Variants in SNX25 observed in about 807,000 individuals in gnomAD.
SNX25 encodes sorting nexin-25.
SNX25 carries 62 observed loss-of-function variants against 113.7 expected under a neutral mutation model. The observed-to-expected ratio is 0.55, with a 90% CI of 0.44 to 0.67. SNX25 has a LOEUF of 0.67. Among genes scored for constraint, SNX25 ranks in the 30% least tolerant of loss-of-function variants. The probability of loss-of-function intolerance (pLI) is 0.00; values close to 1 mark genes in which losing one functional copy is unlikely to be tolerated. For synonymous variants in SNX25, 421 were observed against 436.2 expected (o/e 0.97, Z 0.43); for missense variants, 1,014 against 1,161.0 (o/e 0.87, Z 1.84).
At chr4:185,277,441 C>T (rs1217274284) in intron 5 of SNX25, among the ~76,000 whole-genome samples, 1 of 152,072 alleles carries the variant, frequency 6.6e-6, no homozygotes, top group Non-Finnish European at 1.5e-5. Flanking sequence ...GTGTGCTGGT[C>T]GTTTTCAACA....
chr4:185,375,487 A>AAAAAAAAAAAATATATAT, the SNX25 span: 3 of 12,012 alleles, frequency 2.5e-4, no homozygotes, highest in Non-Finnish European at 4.4e-4. Flanking sequence ...AAAAAAAAAA[A>AAAAAAAAAAAATATATAT]ATATATATAT....
chr4:185,349,014 T>C (rs192566075), intron 13 of SNX25, among the ~76,000 whole-genome samples: 139 of 152,320 alleles, frequency 9.1e-4, no homozygotes, highest in African/African-American at 3.3e-3. Flanking sequence ...GGTTCATTCA[T>C]GTTGTTGCAA....
intron 15 of SNX25, among the ~76,000 whole-genome samples, chr4:185,353,913 G>A (rs979301875): frequency 2.6e-5 from 4 of 151,908 alleles, no homozygotes; most frequent in Non-Finnish European, 1.5e-5. Context: ...GCATGGTGGC[G>A]CATGCCTGTA....
At position 185,313,893 on chromosome 4, in the gene SNX25, G is replaced by A. The variant is rs567945582; in HGVS notation, c.1344+3077G>A. On this transcript the variant is annotated intron_variant, in intron 7 of 18. Transcript: ENST00000652585. ...TATACTGTACTGTTAGAATAAAGTAGGCTATAAAGACAAATGAAAATGTTA... is the reference window on the plus strand; with the variant it reads ...TATACTGTACTGTTAGAATAAAGTAAGCTATAAAGACAAATGAAAATGTTA... Among the ~76,000 whole-genome samples the A allele has an allele frequency of 4.6e-5, 7 of 152,100 alleles. No homozygotes were observed. In the South Asian group the frequency reaches 1.5e-3, roughly 32 times the overall value.
intron 6 of SNX25, among the ~76,000 whole-genome samples, chr4:185,306,562 G>A (rs1459845748): frequency 6.6e-6 from 1 of 152,146 alleles, no homozygotes; most frequent in Non-Finnish European, 1.5e-5. Flanking sequence ...AGAATGTAAT[G>A]GTTGGTAAAT....
chr4:185,360,868 G>A (rs1182579423), intron 16 of SNX25, among the ~76,000 whole-genome samples: 4 of 151,410 alleles, frequency 2.6e-5, no homozygotes, highest in African/African-American at 4.9e-5. Flanking sequence ...GCAGTGAGCC[G>A]AGATTGTGCC....
At chr4:185,375,708 A>G in the SNX25 span, 1 of 1,607,578 alleles carries the variant, frequency 6.2e-7, no homozygotes, top group South Asian at 1.1e-5. Context: ...AACTGTTCTA[A>G]TGCTTCTTCA....
chr4:185,297,491 A>G (rs1752994150), intron 6 of SNX25, among the ~76,000 whole-genome samples: 1 of 152,190 alleles, frequency 6.6e-6, no homozygotes, highest in African/African-American at 2.4e-5. Context: ...ATGTCCACAT[A>G]AAGTCTCACA....
chr4:185,373,706 T>C (rs1351451297), downstream of SNX25, among the ~76,000 whole-genome samples: 2 of 152,212 alleles, frequency 1.3e-5, no homozygotes, highest in African/African-American at 2.4e-5. Context: ...CCTTATAGGA[T>C]TTTTTGGAAA....
chr4:185,343,255 G>A (rs2095269404), intron 12 of SNX25, among the ~76,000 whole-genome samples: 1 of 152,246 alleles, frequency 6.6e-6, no homozygotes, highest in Admixed American at 6.5e-5. Context: ...AATACTAATA[G>A]TGCCTACCTT....
At position 185,277,720 on chromosome 4, in the gene SNX25, CTTTTTTT is replaced by C. The variant is rs758092952; in HGVS notation, c.1092-10268_1092-10262del. On this transcript the variant is annotated intron_variant, in intron 5 of 18. Transcript: ENST00000652585. ...ATGATGAGTTTTGAGTACTTATTACCTTTTTTTTTTTTTTTTTTTTTTTTTTTTTTGA... is the reference window on the plus strand; with the variant it reads ...ATGATGAGTTTTGAGTACTTATTACCTTTTTTTTTTTTTTTTTTTTTTTGA... Among the ~76,000 whole-genome samples the C allele has an allele frequency of 3.4e-3, 218 of 63,442 alleles. 2 individuals are homozygous for C. Among genetic ancestry groups the C allele is most frequent in the African/African-American group, 0.012 (206 of 16,968 alleles). The allele number at this position is 63,442 out of a possible 152,430, so 41.6% of individuals were successfully genotyped here. A position where few individuals can be genotyped will look rare whatever the true frequency, so the allele number is the denominator to read the frequency against.
chr4:185,250,274 G>A (rs1270771783), intron 2 of SNX25, among the ~76,000 whole-genome samples: 1 of 152,144 alleles, frequency 6.6e-6, no homozygotes, highest in South Asian at 2.1e-4. Context: ...CACCGTTAGT[G>A]GAATTCTAGC....
In SNX25 at chr4:185,211,459, T is replaced by A. The variant is rs903138718; in HGVS notation, c.429+1204T>A. On this transcript the variant is annotated intron_variant, in intron 1 of 18. Coordinates refer to ENST00000652585, the MANE Select transcript of SNX25 (RefSeq NM_001378034.2). ...TTTAGCAGGAGTTGCGGAGCAGATA[T>A]GTCTCTCCTCTTTTTTTCTACCATG... 6.6e-5 allele frequency among the ~76,000 whole-genome samples: 10 copies of A among 152,174 alleles called. No homozygotes were observed. The East Asian group carries it at 7.7e-4, about 12-fold the overall frequency.
At chr4:185,297,525 C>T (rs1234652881) in intron 6 of SNX25, among the ~76,000 whole-genome samples, 1 of 152,202 alleles carries the variant, frequency 6.6e-6, no homozygotes, top group African/African-American at 2.4e-5. Context: ...TCTGTAATTT[C>T]TTGCCTCAGT....
intron 9 of SNX25, among the ~76,000 whole-genome samples, chr4:185,327,957 C>A (rs1023023670): frequency 2.6e-5 from 4 of 152,162 alleles, no homozygotes; most frequent in African/African-American, 7.2e-5. Context: ...TGTATGCTGG[C>A]AGTTCTTAAG....
At chr4:185,332,837 T>C (rs1311583024) in intron 10 of SNX25, 78 bp downstream of exon 10, 1 of 1,393,314 alleles carries the variant, frequency 7.2e-7, no homozygotes, top group East Asian at 2.3e-5. Context: ...GGTTGAGAAG[T>C]GTCAGTTTCT....
chr4:185,279,976 A>T (rs745563628), intron 5 of SNX25, among the ~76,000 whole-genome samples: 6 of 152,070 alleles, frequency 3.9e-5, no homozygotes, highest in Middle Eastern at 3.2e-3. Flanking sequence ...GCTGGAGTGC[A>T]GTGGCGCGAT....
intron 7 of SNX25, among the ~76,000 whole-genome samples, chr4:185,314,132 GTACTT>G (rs1352399806): frequency 6.6e-6 from 1 of 152,008 alleles, no homozygotes; most frequent in Non-Finnish European, 1.5e-5. Context: ...AGGGTCAACT[GTACTT>G]TTTAATGCTT....
intron 6 of SNX25, among the ~76,000 whole-genome samples, chr4:185,288,597 A>AG (rs1433204470): frequency 1.3e-5 from 1 of 75,752 alleles, no homozygotes; most frequent in East Asian, 4.8e-4. Context: ...CTTGTGTTGT[A>AG]GGTTTTGTTG....
Sources: allele counts gnomAD v4.1 joint callset (sites outside exome capture counted in the v4.1 genomes callset), GRCh38; gene constraint gnomAD v4.1.1; transcripts MANE v1.5; gene names NCBI Gene and HGNC (gene_info 2026-07-23, HGNC 2026-07-21).